The following MUC17 variants were observed in gnomAD, a reference collection of about 807,000 sequenced individuals.
MUC17 encodes mucin-17.
MUC17 carries 190 observed loss-of-function variants against 170.3 expected under a neutral mutation model. The ratio of observed to expected loss-of-function variants is 1.12; its 90% CI spans 0.99 to 1.26. MUC17 has a LOEUF of 1.26. Ranked by LOEUF, MUC17 falls within the 50% of genes most tolerant of loss-of-function variation. The pLI, the probability that MUC17 is intolerant of heterozygous loss-of-function variation, is 0.00. For synonymous variants in MUC17, 2,325 were observed against 2,002.5 expected, an observed-to-expected ratio of 1.16 and a Z score of -4.30; for missense variants, 6,415 against 5,530.0, an observed-to-expected ratio of 1.16 and a Z score of -5.08.
rs752660228 is a variant in MUC17 at position 101,038,543 on chromosome 7, G to A, written c.7127G>A (p.Gly2376Asp). The A allele has an allele frequency of 2.5e-6, 4 of 1,613,832 alleles. No homozygotes were observed. Among genetic ancestry groups the A allele is most frequent in the Admixed American group, 3.3e-5 (2 of 59,996 alleles). The change falls in exon 3 of 13, where the codon GGT becomes GAT. Residue 2376 changes from glycine (G) to aspartate (D), a missense_variant. Physicochemically the swap from Gly to Asp is moderately conservative, Grantham distance 94. Coordinates refer to ENST00000306151, the MANE Select transcript of MUC17 (RefSeq NM_001040105.2). ...CCTGTGACTACTTATTCTCAAGCCG[G>A]TTCATCTCCTACAACTGCTGACGAT... Reference protein sequence around the residue: ...STPVTTYSQAGSSPTTADDTS... With the variant: ...STPVTTYSQADSSPTTADDTS...
Position 101,032,570 on chromosome 7 carries a change from C to A in MUC17, c.1154C>A (p.Thr385Asn). Reference sequence around the variant, plus strand: ...ACTGCTGAAGCTACCAGCATGCTAACCTCAACTCTTAGTGAAGGAAGCACT... The same window carrying A: ...ACTGCTGAAGCTACCAGCATGCTAAACTCAACTCTTAGTGAAGGAAGCACT... ...PTTAEATSML[T>N]STLSEGSTPL... is the part of the protein sequence containing the mutation. The change falls in exon 3 of 13, where the codon ACC becomes AAC. Residue 385 changes from threonine (T) to asparagine (N), a missense_variant. Transcript: ENST00000306151. 1 of 1,613,698 alleles carries A rather than the reference C, an allele frequency of 6.2e-7. No individual in the cohort carries two copies. The highest frequency in any genetic ancestry group is 1.1e-5 in the South Asian group (1 of 91,060).
Position 101,050,591 on chromosome 7 carries a change from C to A in MUC17, c.12830C>A (p.Thr4277Lys), listed in dbSNP as rs1004890277. Residue 4277 changes from threonine to lysine, a missense_variant, in exon 7 of 13, where the codon ACA (threonine) becomes AAA (lysine). Coordinates refer to ENST00000306151, the MANE Select transcript of MUC17 (RefSeq NM_001040105.2). ...ACCGAAGTAGTGAAAGAGAAAATCA[C>A]AAAAGTGACCACACAGCAAATAATG... The part of the protein sequence containing the change: ...NATEVVKEKI[T>K]KVTTQQIMIN... The A allele has an allele frequency of 1.1e-5, 17 of 1,614,014 alleles. No homozygotes were observed. Among genetic ancestry groups the A allele is most frequent in the Non-Finnish European group, 1.4e-5 (17 of 1,180,004 alleles).
chr7:101,031,616 C>A lies in MUC17; in HGVS notation c.200C>A (p.Thr67Asn). ...QHVRTGSAANTATGTTSTNVV... is the reference protein window; with the variant it reads ...QHVRTGSAANNATGTTSTNVV... ...TCTTAAACAGGTTCTGCGGCAAACA[C>A]CGCCACAGGTACAACATCTACAAAT... Residue 67 changes from threonine (T) to asparagine (N), a missense_variant, in exon 3 of 13, where the codon ACC becomes AAC. Physicochemically the swap from Thr to Asn is moderately conservative, Grantham distance 65. Coordinates refer to ENST00000306151, the MANE Select transcript of MUC17 (RefSeq NM_001040105.2). The A allele has an allele frequency of 2.0e-6, 3 of 1,533,128 alleles. No homozygotes were observed. The highest frequency in any genetic ancestry group is 2.6e-6 in the Non-Finnish European group (3 of 1,142,226). 95.0% of individuals were successfully genotyped at this position (1,533,128 alleles called of 1,614,324 possible). A position where few individuals can be genotyped will look rare whatever the true frequency, so the allele number is the denominator to read the frequency against.
At position 101,042,427 on chromosome 7, in the gene MUC17, C is replaced by T. The variant is rs1182825886; in HGVS notation, c.11011C>T (p.Gln3671Ter). The T allele has an allele frequency of 3.7e-6, 6 of 1,613,784 alleles. No homozygotes were observed. The highest frequency in any genetic ancestry group is 1.7e-4 in the Middle Eastern group (1 of 6,058). ...CAGCACACCTGTGATCACTTCTACC[C>T]AAGTCAGTTCATCTCCTGTGACTCC... is the stretch of plus-strand genomic sequence containing the variant. ...DTSTPVITST[Q>*]VSSSPVTPEG... Residue 3671 changes from glutamine to a stop codon, truncating the protein, a stop_gained, in exon 3 of 13, where the codon CAA becomes TAA. Transcript: ENST00000306151. LOFTEE classifies it high-confidence loss of function.
chr7:101,053,038 A>G lies in MUC17; in HGVS notation c.13156A>G (p.Thr4386Ala). ...WYSGETCNQG[T>A]QKSLVYGLVG... ...CAGTGGGGAGACCTGTAACCAGGGCACCCAGAAGAGTCTGGTGTACGGCCT... is the reference window on the plus strand; with the variant it reads ...CAGTGGGGAGACCTGTAACCAGGGCGCCCAGAAGAGTCTGGTGTACGGCCT... Residue 4386 changes from threonine to alanine, a missense_variant, in exon 10 of 13, where the codon ACC becomes GCC. Coordinates refer to ENST00000306151, the MANE Select transcript of MUC17 (RefSeq NM_001040105.2). 1 of 1,614,132 alleles carries G rather than the reference A, an allele frequency of 6.2e-7. No homozygotes were observed. Among genetic ancestry groups the G allele is most frequent in the Non-Finnish European group, 8.5e-7 (1 of 1,180,022 alleles).
Position 101,035,959 on chromosome 7 carries a change from G to A in MUC17, c.4543G>A (p.Ala1515Thr), listed in dbSNP as rs144027969. 1.4e-6 allele frequency: 2 copies of A among 1,442,004 alleles called. No individual in the cohort carries two copies. The highest frequency in any genetic ancestry group is 1.9e-5 in the Admixed American group (1 of 51,388). 89.3% of individuals were successfully genotyped at this position (1,442,004 alleles called of 1,614,324 possible). A position where few individuals can be genotyped will look rare whatever the true frequency, so the allele number is the denominator to read the frequency against. ...CTCAACGCCTAGTGAAGGAAGCACT[G>A]CATTAACAAGTATACCTGTCAGCAC... The part of the protein sequence containing the change: ...AISTPSEGST[A>T]LTSIPVSTTT... The change falls in exon 3 of 13, where the codon GCA becomes ACA. Residue 1515 changes from alanine to threonine, a missense_variant. Coordinates refer to ENST00000306151, the MANE Select transcript of MUC17 (RefSeq NM_001040105.2).
At position 101,033,922 on chromosome 7, in the gene MUC17, C is replaced by A; in HGVS notation, c.2506C>A (p.Pro836Thr). 1 of 1,613,706 alleles carries A rather than the reference C, an allele frequency of 6.2e-7. No homozygotes were observed. The highest frequency in any genetic ancestry group is 1.1e-5 in the South Asian group (1 of 91,060). ...LSTTPVDSNS[P>T]VTTSTEVSSS... is the part of the protein sequence containing the mutation. Reference sequence around the variant, plus strand: ...AACAACTCCTGTTGACTCCAACAGTCCTGTGACCACTTCTACTGAAGTCAG... The same window carrying A: ...AACAACTCCTGTTGACTCCAACAGTACTGTGACCACTTCTACTGAAGTCAG... The change falls in exon 3 of 13, where the codon CCT becomes ACT. Residue 836 changes from proline to threonine, a missense_variant. Transcript: ENST00000306151.
chr7:101,027,739 G>A (rs563255886), intron 1 of MUC17, among the ~76,000 whole-genome samples: 1 of 151,818 alleles, frequency 6.6e-6, no homozygotes, highest in African/African-American at 2.4e-5. Flanking sequence ...GCTGCTTAAA[G>A]TTGTCCCAAC....
chr7:101,039,995 C>T lies in MUC17; in HGVS notation c.8579C>T (p.Pro2860Leu), dbSNP rs1794636514. The change falls in exon 3 of 13, where the codon CCA becomes CTA. Residue 2860 changes from proline to leucine, a missense_variant. Physicochemically the swap from Pro to Leu is moderately conservative, Grantham distance 98. Transcript: ENST00000306151. ...ACAACTGCTGAAGGTATCGTCGTGC[C>T]AATCTCAACTGCTAGTGAAGGAAGT... ...SPTTAEGIVV[P>L]ISTASEGSTL... The T allele has an allele frequency of 6.2e-7, 1 of 1,612,968 alleles. No individual in the cohort carries two copies. Among genetic ancestry groups the T allele is most frequent in the East Asian group, 2.2e-5 (1 of 44,808 alleles).
chr7:101,038,223 A>T lies in MUC17; in HGVS notation c.6807A>T (p.Ile2269=), dbSNP rs878994920. ...CTACAACTGCTGAAGGTACCAGCAT[A>T]CCAACTTCAACTCTTAGTGAAGGAA... ...SSPTTAEGTS[I]PTSTLSEGTT... The change falls in exon 3 of 13, where the codon ATA becomes ATT. Residue 2269 remains isoleucine, a synonymous_variant. Transcript: ENST00000306151. The T allele has an allele frequency of 6.2e-7, 1 of 1,611,998 alleles. No homozygotes were observed. The highest frequency in any genetic ancestry group is 8.5e-7 in the Non-Finnish European group (1 of 1,179,482).
At position 101,042,155 on chromosome 7, in the gene MUC17, C is replaced by T. The variant is rs141602020; in HGVS notation, c.10739C>T (p.Thr3580Ile). ...AGTGAAGGAAGCTCTTCATTAACAA[C>T]TATGCTCCTCAGCAGCACATATGTG... ...TPSEGSSSLT[T>I]MLLSSTYVTS... is the part of the protein sequence containing the mutation. Residue 3580 changes from threonine to isoleucine, a missense_variant, in exon 3 of 13, where the codon ACT becomes ATT. Thr to Ile is a moderately conservative substitution (Grantham distance 89). Coordinates refer to ENST00000306151, the MANE Select transcript of MUC17 (RefSeq NM_001040105.2). 3 of 1,614,012 alleles carry T rather than the reference C, an allele frequency of 1.9e-6. No homozygotes were observed. In the East Asian group the frequency reaches 6.7e-5, roughly 36 times the overall value.
In MUC17 at chr7:101,051,297, A is replaced by G. The variant is rs540894294; in HGVS notation, c.12875-316A>G. ...GGAGAATCGCTTGAAACCGGGAAGC[A>G]GAGGTTGCAGTGAGCCGAGATTGCA... On this transcript the variant is annotated intron_variant, in intron 7 of 12. Transcript: ENST00000306151. Among the ~76,000 whole-genome samples the G allele has an allele frequency of 1.3e-4, 18 of 142,968 alleles. 1 individual carries two copies. In the South Asian group the frequency reaches 2.9e-3, roughly 23 times the overall value. 93.8% of individuals were successfully genotyped at this position (142,968 alleles called of 152,430 possible).
chr7:101,040,945 G>A lies in MUC17; in HGVS notation c.9529G>A (p.Val3177Ile), dbSNP rs773229145. Residue 3177 changes from valine (V) to isoleucine (I), a missense_variant, in exon 3 of 13, where the codon GTC becomes ATC. Coordinates refer to ENST00000306151, the MANE Select transcript of MUC17 (RefSeq NM_001040105.2). The stretch of plus-strand genomic sequence containing the variant: ...TATGCCTGTCAGCACCATGCTGGTA[G>A]TCAGTTCTGAGGATAGCACCCTTTC... The part of the protein sequence containing the change: ...TYMPVSTMLV[V>I]SSEDSTLSAT... The A allele has an allele frequency of 6.8e-6, 11 of 1,612,006 alleles. No individual in the cohort carries two copies. In the South Asian group the frequency reaches 9.9e-5, roughly 14 times the overall value.
chr7:101,042,330 C>A lies in MUC17; in HGVS notation c.10914C>A (p.Thr3638=). The A allele has an allele frequency of 6.2e-7, 1 of 1,611,430 alleles. No homozygotes were observed. Among genetic ancestry groups the A allele is most frequent in the Non-Finnish European group, 8.5e-7 (1 of 1,179,146 alleles). ...CTAGTGAAGTAAGCACTCCATTAAC[C>A]ATTATGCCTGTCAGCACCACATCGG... ...STPSEVSTPL[T]IMPVSTTSVT... The change falls in exon 3 of 13, where the codon ACC becomes ACA. Residue 3638 remains threonine, a synonymous_variant. Coordinates refer to ENST00000306151, the MANE Select transcript of MUC17 (RefSeq NM_001040105.2).
At chr7:101,021,181 CTTTTT>C (rs60346243) in intron 1 of MUC17, among the ~76,000 whole-genome samples, 3 of 84,134 alleles carry the variant, frequency 3.6e-5, no homozygotes, top group Admixed American at 1.6e-4. Flanking sequence ...CTGTCTCCTC[CTTTTT>C]TTTTTTTTTT....
At chr7:101,055,317 TTAGA>T (rs201203309) in intron 11 of MUC17, among the ~76,000 whole-genome samples, 4,591 of 151,726 alleles carry the variant, frequency 0.03, 208 homozygotes, top group African/African-American at 0.11. Context: ...AACACAAAGG[TTAGA>T]AACAAAAGTG....
Position 101,050,640 on chromosome 7 carries a change from A to G in MUC17, c.12874+5A>G. 2 of 1,612,810 alleles carry G rather than the reference A, an allele frequency of 1.2e-6. No individual in the cohort carries two copies. The highest frequency in any genetic ancestry group is 1.7e-6 in the Non-Finnish European group (2 of 1,179,290). ...TGATTAATGATATTTGCTCAGGTGAACTCTGGGCTTCCAGGGAGGGAAGGG... is the reference window on the plus strand; with the variant it reads ...TGATTAATGATATTTGCTCAGGTGAGCTCTGGGCTTCCAGGGAGGGAAGGG... On this transcript the variant is annotated splice_donor_5th_base_variant and intron_variant, in intron 7 of 12. Coordinates refer to ENST00000306151, the MANE Select transcript of MUC17 (RefSeq NM_001040105.2).
intron 1 of MUC17, among the ~76,000 whole-genome samples, chr7:101,020,426 A>G (rs1794051995): frequency 6.6e-6 from 1 of 152,144 alleles, no homozygotes; most frequent in Admixed American, 6.5e-5. Context: ...AGCCTCTTCC[A>G]GTTGAGGTCT....
At chr7:101,027,779 CTT>C (rs1010341400) in intron 1 of MUC17, among the ~76,000 whole-genome samples, 1 of 148,670 alleles carries the variant, frequency 6.7e-6, no homozygotes. Flanking sequence ...AAAAAAATTT[CTT>C]TTTTTTTTGA....
Sources: allele counts gnomAD v4.1 joint callset (sites outside exome capture counted in the v4.1 genomes callset), GRCh38; gene constraint gnomAD v4.1.1; transcripts MANE v1.5; gene names NCBI Gene and HGNC (gene_info 2026-07-23, HGNC 2026-07-21).